The following TCF7L1 variants were observed in gnomAD, a reference collection of about 807,000 sequenced individuals.
TCF7L1 encodes the protein transcription factor 7 like 1.
Under a neutral mutation model 63.7 loss-of-function variants are expected in TCF7L1, and 18 were observed. That is an observed-to-expected ratio of 0.28 (90% CI 0.20 to 0.42). The LOEUF (loss-of-function observed/expected upper bound fraction) is 0.42. Among genes scored for constraint, TCF7L1 ranks in the 10% least tolerant of loss-of-function variants. The probability of loss-of-function intolerance (pLI) is 1.00; values close to 1 mark genes in which losing one functional copy is unlikely to be tolerated. For synonymous variants in TCF7L1, 355 were observed against 340.9 expected, an observed-to-expected ratio of 1.04 and a Z score of -0.46; for missense variants, 654 against 779.3, an observed-to-expected ratio of 0.84 and a Z score of 1.91.
intron 11 of TCF7L1, 143 bp from the exon 12 acceptor site, chr2:85,308,886 T>A (rs1016438499): frequency 1.1e-6 from 1 of 941,898 alleles, no homozygotes; most frequent in African/African-American, 1.6e-5. Context: ...AGTTTCCTAG[T>A]CTTGAAAGCC....
At chr2:85,235,379 A>G (rs529358647) in intron 3 of TCF7L1, among the ~76,000 whole-genome samples, 2 of 151,002 alleles carry the variant, frequency 1.3e-5, no homozygotes, top group African/African-American at 4.9e-5. Flanking sequence ...TTATCCTACA[A>G]TCTAGGATGC....
At chr2:85,135,423 C>T (rs1677570273) in intron 3 of TCF7L1, among the ~76,000 whole-genome samples, 1 of 152,176 alleles carries the variant, frequency 6.6e-6, no homozygotes, top group South Asian at 2.1e-4. Flanking sequence ...CGTAGTAGTT[C>T]TTTGCTTCCC....
At position 85,240,815 on chromosome 2, in the gene TCF7L1, C is replaced by G. The variant is rs1206464630; in HGVS notation, c.442-42680C>G. Among the ~76,000 whole-genome samples, 3 of 151,154 alleles carry G rather than the reference C, an allele frequency of 2.0e-5. No homozygotes were observed. In the South Asian group the frequency reaches 6.3e-4, roughly 32 times the overall value. ...AAAAAATCAGTTGCCTGAAATAGTG[C>G]TTGTACTTACAGATTAAGTCACCAA... On this transcript the variant is annotated intron_variant, in intron 3 of 11. Coordinates refer to ENST00000282111, the MANE Select transcript of TCF7L1 (RefSeq NM_031283.3).
intron 3 of TCF7L1, among the ~76,000 whole-genome samples, chr2:85,148,336 G>T (rs1284659945): frequency 6.6e-5 from 10 of 152,134 alleles, no homozygotes. Flanking sequence ...AGGCTTGAGG[G>T]ATGGAGAATA....
At chr2:85,205,859 C>CTTAAA (rs1679396953) in intron 3 of TCF7L1, among the ~76,000 whole-genome samples, 5 of 152,338 alleles carry the variant, frequency 3.3e-5, no homozygotes, top group African/African-American at 1.2e-4. Context: ...CAGTTTTCTC[C>CTTAAA]ACACCTGTGC....
chr2:85,170,683 C>T (rs1678527676), intron 3 of TCF7L1, among the ~76,000 whole-genome samples: 1 of 152,110 alleles, frequency 6.6e-6, no homozygotes, highest in Admixed American at 6.5e-5. Context: ...GATCTTAGTA[C>T]CCGGACATCC....
chr2:85,257,878 G>A (rs1680757486), intron 3 of TCF7L1, among the ~76,000 whole-genome samples: 1 of 152,154 alleles, frequency 6.6e-6, no homozygotes, highest in South Asian at 2.1e-4. Context: ...GTTCCTTCCG[G>A]CTCTTGATTT....
chr2:85,207,950 A>C (rs1679449601), intron 3 of TCF7L1, among the ~76,000 whole-genome samples: 1 of 152,078 alleles, frequency 6.6e-6, no homozygotes, highest in Admixed American at 6.6e-5. Context: ...TCTGTCGCCC[A>C]GGCTGGAGTT....
intron 10 of TCF7L1, 110 bp from the exon 11 acceptor site, chr2:85,307,532 G>T (rs577355509): frequency 2.4e-6 from 2 of 844,918 alleles, no homozygotes; most frequent in East Asian, 5.3e-5. Context: ...CTCCCTGAGG[G>T]ATCGAGAGCA....
intron 3 of TCF7L1, among the ~76,000 whole-genome samples, chr2:85,259,642 G>T (rs1286158750): frequency 6.6e-6 from 1 of 152,168 alleles, no homozygotes; most frequent in Non-Finnish European, 1.5e-5. Flanking sequence ...AAAATGTTGC[G>T]ATTTAGCCAT....
chr2:85,241,457 T>G (rs1456996132), intron 3 of TCF7L1, among the ~76,000 whole-genome samples: 1 of 141,532 alleles, frequency 7.1e-6, no homozygotes, highest in African/African-American at 2.6e-5. Flanking sequence ...TTTTTTTTTT[T>G]TTTTTTTTGA....
chr2:85,289,909 C>T (rs369242633), intron 4 of TCF7L1, among the ~76,000 whole-genome samples: 5 of 150,212 alleles, frequency 3.3e-5, no homozygotes, highest in East Asian at 2.0e-4. Context: ...CCTGGCCTCA[C>T]GGGATCCGCG....
intron 3 of TCF7L1, among the ~76,000 whole-genome samples, chr2:85,211,302 G>A (rs192077341): frequency 3.0e-4 from 45 of 152,332 alleles, no homozygotes; most frequent in Middle Eastern, 3.4e-3. Context: ...GAGTTGAAAG[G>A]TGTGTGCACA....
chr2:85,198,030 C>T (rs932084765), intron 3 of TCF7L1, among the ~76,000 whole-genome samples: 6 of 152,184 alleles, frequency 3.9e-5, no homozygotes, highest in Non-Finnish European at 5.9e-5. Context: ...TCAGGACTCA[C>T]GTTCAGTGCA....
At chr2:85,303,772 G>C in intron 5 of TCF7L1, 123 bp from the exon 6 acceptor site, 1 of 695,938 alleles carries the variant, frequency 1.4e-6, no homozygotes, top group Non-Finnish European at 2.4e-6. Context: ...CAAGGACAAT[G>C]ACACAAGCAC....
chr2:85,269,865 CCTT>C (rs1184334680), intron 3 of TCF7L1, among the ~76,000 whole-genome samples: 1 of 152,144 alleles, frequency 6.6e-6, no homozygotes, highest in Non-Finnish European at 1.5e-5. Flanking sequence ...GTGCAGGACC[CCTT>C]CTTCAGGCTC....
chr2:85,252,272 G>A (rs1014524327), intron 3 of TCF7L1, among the ~76,000 whole-genome samples: 3 of 152,214 alleles, frequency 2.0e-5, no homozygotes, highest in Non-Finnish European at 2.9e-5. Context: ...TGGCCTCTCA[G>A]TTGTTTTCAT....
chr2:85,252,329 G>A (rs1680610205), intron 3 of TCF7L1, among the ~76,000 whole-genome samples: 1 of 152,228 alleles, frequency 6.6e-6, no homozygotes, highest in Non-Finnish European at 1.5e-5. Flanking sequence ...CTGTAGTCCT[G>A]AGCATTCGCA....
intron 3 of TCF7L1, among the ~76,000 whole-genome samples, chr2:85,251,942 G>T (rs1000802892): frequency 1.3e-5 from 2 of 152,182 alleles, no homozygotes; most frequent in Non-Finnish European, 2.9e-5. Context: ...AGGCGTGGTG[G>T]CACGTACCTG....
Sources: allele counts gnomAD v4.1 joint callset (sites outside exome capture counted in the v4.1 genomes callset), GRCh38; gene constraint gnomAD v4.1.1; transcripts MANE v1.5; gene names NCBI Gene and HGNC (gene_info 2026-07-23, HGNC 2026-07-21).